PRKG1: variants seen among roughly 807,000 people sequenced by gnomAD.
The protein encoded by PRKG1 is cGMP-dependent protein kinase 1.
In PRKG1, 35 loss-of-function variants were observed where a neutral mutation model predicts 88.1. The observed-to-expected ratio is 0.40, with a 90% CI of 0.30 to 0.53. The LOEUF (loss-of-function observed/expected upper bound fraction) is 0.53. Among genes scored for constraint, PRKG1 ranks in the 20% least tolerant of loss-of-function variants. The pLI is 0.59. For missense variants in PRKG1, 540 were observed against 839.8 expected, an observed-to-expected ratio of 0.64 and a Z score of 4.41; for synonymous variants, 303 against 292.5, an observed-to-expected ratio of 1.04 and a Z score of -0.37.
intron 3 of PRKG1, among the ~76,000 whole-genome samples, chr10:51,800,527 T>C (rs1283937038): frequency 6.6e-6 from 1 of 152,094 alleles, no homozygotes; most frequent in Non-Finnish European, 1.5e-5. Context: ...TCTCATGTGA[T>C]ATATTGAATA....
chr10:51,097,695 C>T (rs1029967428), intron 1 of PRKG1, among the ~76,000 whole-genome samples: 1 of 152,126 alleles, frequency 6.6e-6, no homozygotes, highest in Admixed American at 6.6e-5. Flanking sequence ...CGCCCTCCTT[C>T]AGAGCAGCTC....
intron 7 of PRKG1, among the ~76,000 whole-genome samples, chr10:52,068,201 T>C (rs1318931911): frequency 2.1e-5 from 1 of 47,984 alleles, no homozygotes; most frequent in African/African-American, 1.2e-4. Context: ...AAACTCCGTC[T>C]CAAAAAAAAA....
intron 8 of PRKG1, among the ~76,000 whole-genome samples, chr10:52,145,815 T>C (rs1433204728): frequency 6.6e-6 from 1 of 152,228 alleles, no homozygotes; most frequent in Non-Finnish European, 1.5e-5. Flanking sequence ...GTACTCGTTT[T>C]GGAACTCATA....
intron 3 of PRKG1, among the ~76,000 whole-genome samples, chr10:51,767,705 A>G (rs1429944215): frequency 6.6e-6 from 1 of 152,184 alleles, no homozygotes; most frequent in Non-Finnish European, 1.5e-5. Context: ...GCATATGAAA[A>G]TATGAATAGA....
intron 1 of PRKG1, among the ~76,000 whole-genome samples, chr10:51,030,772 C>T (rs992679661): frequency 3.9e-5 from 6 of 152,226 alleles, no homozygotes; most frequent in East Asian, 1.9e-4. Context: ...TGTGATACAT[C>T]GGCTCCCCTT....
intron 1 of PRKG1, among the ~76,000 whole-genome samples, chr10:51,047,218 A>G (rs373019132): frequency 2.6e-5 from 4 of 152,186 alleles, no homozygotes; most frequent in East Asian, 3.8e-4. Flanking sequence ...GCAAAACACA[A>G]TGGAGCATAA....
At chr10:51,642,919 C>T (rs983002741) in intron 3 of PRKG1, among the ~76,000 whole-genome samples, 12 of 152,108 alleles carry the variant, frequency 7.9e-5, no homozygotes. Context: ...TCTGAAATCA[C>T]AAGAAAAAAT....
chr10:52,211,253 G>A (rs181106223), intron 9 of PRKG1, among the ~76,000 whole-genome samples: 1 of 152,268 alleles, frequency 6.6e-6, no homozygotes, highest in African/African-American at 2.4e-5. Flanking sequence ...TGTTGACCCT[G>A]ATGCACTGCA....
At chr10:51,158,066 C>T (rs1357471607) in intron 2 of PRKG1, among the ~76,000 whole-genome samples, 1 of 151,794 alleles carries the variant, frequency 6.6e-6, no homozygotes, top group Non-Finnish European at 1.5e-5. Context: ...AATATATTAT[C>T]ATTGTCTGTA....
At chr10:52,142,553 A>G (rs117887804) in intron 8 of PRKG1, among the ~76,000 whole-genome samples, 511 of 152,322 alleles carry the variant, frequency 3.4e-3, no homozygotes, top group Non-Finnish European at 4.3e-3. Context: ...GGATCTTTAT[A>G]GATATCTCTC....
intron 2 of PRKG1, among the ~76,000 whole-genome samples, chr10:51,262,608 C>G (rs1839740065): frequency 6.6e-6 from 1 of 152,190 alleles, no homozygotes; most frequent in Admixed American, 6.5e-5. Flanking sequence ...CTATTAAAAA[C>G]TACCTGAGGC....
chr10:52,086,060 A>G (rs1388557177), intron 7 of PRKG1, among the ~76,000 whole-genome samples: 1 of 151,824 alleles, frequency 6.6e-6, no homozygotes, highest in Non-Finnish European at 1.5e-5. Flanking sequence ...ATATTGCTGA[A>G]TTCATATATT....
At chr10:51,943,151 C>T (rs1449711700) in intron 5 of PRKG1, among the ~76,000 whole-genome samples, 1 of 151,972 alleles carries the variant, frequency 6.6e-6, no homozygotes, top group African/African-American at 2.4e-5. Context: ...TGTAGTTATC[C>T]TTGAAGAGGT....
chr10:51,776,326 A>G (rs1589277325), intron 3 of PRKG1, among the ~76,000 whole-genome samples: 1 of 152,206 alleles, frequency 6.6e-6, no homozygotes, highest in South Asian at 2.1e-4. Context: ...TGCAAAATGC[A>G]CACCTTTTTG....
chr10:51,101,835 A>G (rs1437267763), intron 1 of PRKG1, among the ~76,000 whole-genome samples: 2 of 152,176 alleles, frequency 1.3e-5, no homozygotes, highest in Non-Finnish European at 2.9e-5. Flanking sequence ...TAAGGACTGG[A>G]GTCACCAGTT....
intron 3 of PRKG1, among the ~76,000 whole-genome samples, chr10:51,567,743 C>A (rs974078918): frequency 6.6e-6 from 1 of 152,012 alleles, no homozygotes; most frequent in Non-Finnish European, 1.5e-5. Context: ...TGCACCACCA[C>A]GCCCAGCTAA....
chr10:51,104,523 CTT>C (rs1844772075), intron 1 of PRKG1, among the ~76,000 whole-genome samples: 1 of 151,874 alleles, frequency 6.6e-6, no homozygotes, highest in Non-Finnish European at 1.5e-5. Flanking sequence ...AAGCTGCAGT[CTT>C]TCCTTTTTTC....
intron 7 of PRKG1, among the ~76,000 whole-genome samples, chr10:52,116,482 T>C (rs1847690636): frequency 6.6e-6 from 1 of 152,172 alleles, no homozygotes; most frequent in Non-Finnish European, 1.5e-5. Context: ...GACTAGAGAT[T>C]AAGCCACAGT....
intron 5 of PRKG1, among the ~76,000 whole-genome samples, chr10:51,993,946 C>T (rs1354061992): frequency 6.6e-6 from 1 of 152,140 alleles, no homozygotes; most frequent in East Asian, 1.9e-4. Context: ...AAAGGAGGGT[C>T]TCCTTCCTTC....
Sources: gnomAD v4.1 joint callset for allele counts (sites outside exome capture counted in the v4.1 genomes callset) on GRCh38, gnomAD v4.1.1 for gene constraint, MANE v1.5 for transcripts, NCBI Gene and HGNC (gene_info 2026-07-23, HGNC 2026-07-21) for gene names.